Variants in UBE2E1 observed in about 807,000 individuals in gnomAD.
The protein encoded by UBE2E1 is ubiquitin-conjugating enzyme E2 E1.
A neutral mutation model predicts 21.4 loss-of-function variants in UBE2E1; 6 were observed. The ratio of observed to expected loss-of-function variants is 0.28; its 90% CI spans 0.15 to 0.55. The LOEUF (loss-of-function observed/expected upper bound fraction) is 0.55, where lower values mean the gene tolerates loss of function less well. UBE2E1 is among the 20% of genes least tolerant of loss of function. The pLI is 0.93. For synonymous variants in UBE2E1, 87 were observed against 82.7 expected, an observed-to-expected ratio of 1.05 and a Z score of -0.28; for missense variants, 142 against 236.5, an observed-to-expected ratio of 0.60 and a Z score of 2.62.
At chr3:23,841,386 T>G (rs1700083545) in intron 3 of UBE2E1, among the ~76,000 whole-genome samples, 1 of 152,132 alleles carries the variant, frequency 6.6e-6, no homozygotes. Flanking sequence ...GAATAGATGA[T>G]TGATTTTTTT....
At chr3:23,813,766 C>T (rs1442849881) in intron 3 of UBE2E1, among the ~76,000 whole-genome samples, 1 of 152,204 alleles carries the variant, frequency 6.6e-6, no homozygotes, top group African/African-American at 2.4e-5. Context: ...AGGTCTTGAA[C>T]TCCTGACCTT....
At position 23,879,561 on chromosome 3, in the gene UBE2E1, C is replaced by T. The variant is rs112850068; in HGVS notation, c.204-8006C>T. On this transcript the variant is annotated intron_variant, in intron 3 of 5. Coordinates refer to ENST00000306627, the MANE Select transcript of UBE2E1 (RefSeq NM_003341.5). ...TTCTTCTTGCTTTAGAACTTCTCTTCGTAGGTGATCCAGCTATAAGACTAA... is the reference window on the plus strand; with the variant it reads ...TTCTTCTTGCTTTAGAACTTCTCTTTGTAGGTGATCCAGCTATAAGACTAA... 182 of 304,972 alleles carry T rather than the reference C, an allele frequency of 6.0e-4. 1 individual carries two copies. The highest frequency in any genetic ancestry group is 1.7e-3 in the Admixed American group (47 of 27,304). The allele number at this position is 304,972 out of a possible 1,614,324, so 18.9% of individuals were successfully genotyped here.
Position 23,890,675 on chromosome 3 carries a change from T to A in UBE2E1, c.*69T>A. 6.0e-5 allele frequency: 65 copies of A among 1,075,098 alleles called. No homozygotes were observed. The highest frequency in any genetic ancestry group is 7.9e-5 in the Non-Finnish European group (57 of 722,262). 66.6% of individuals were successfully genotyped at this position (1,075,098 alleles called of 1,614,324 possible). A position where few individuals can be genotyped will look rare whatever the true frequency, so the allele number is the denominator to read the frequency against. On this transcript the variant is annotated 3_prime_UTR_variant, in exon 6 of 6. Transcript: ENST00000306627. ...AGAGCTGCTTATGATTTTGAAGGGG[T>A]CAGGGAGGGTGGGAGTTGGTAAAGA...
intron 3 of UBE2E1, among the ~76,000 whole-genome samples, chr3:23,871,662 G>A (rs1259044662): frequency 5.2e-4 from 79 of 151,562 alleles, no homozygotes; most frequent in African/African-American, 1.8e-3. Flanking sequence ...CAGATGGGGC[G>A]GCCGGGCAGA....
chr3:23,857,380 GA>G (rs1318367221), intron 3 of UBE2E1, among the ~76,000 whole-genome samples: 1 of 152,182 alleles, frequency 6.6e-6, no homozygotes, highest in Admixed American at 6.5e-5. Context: ...TTTGTGAAAT[GA>G]AAGAAGAGAG....
intron 3 of UBE2E1, among the ~76,000 whole-genome samples, chr3:23,845,589 C>CG (rs1553637999): frequency 8.2e-6 from 1 of 121,288 alleles, no homozygotes; most frequent in Non-Finnish European, 1.7e-5. Context: ...CTCTCTCTCT[C>CG]TGTGTGTGTG....
intron 3 of UBE2E1, among the ~76,000 whole-genome samples, chr3:23,833,392 T>C (rs1366324289): frequency 2.0e-5 from 3 of 152,210 alleles, no homozygotes; most frequent in African/African-American, 7.2e-5. Flanking sequence ...CTAGGCACCT[T>C]TGGAAGGTGC....
rs937425146 is a variant in UBE2E1 at position 23,852,151 on chromosome 3, T to C, written c.204-35416T>C. Among the ~76,000 whole-genome samples the C allele has an allele frequency of 2.0e-5, 3 of 152,196 alleles. No individual in the cohort carries two copies. The East Asian group carries it at 5.8e-4, about 29-fold the overall frequency. ...CTGGCACTATGCTTCTTGTACAACCTGGAGAACCATGAGCTAAATAAACCT... is the reference window on the plus strand; with the variant it reads ...CTGGCACTATGCTTCTTGTACAACCCGGAGAACCATGAGCTAAATAAACCT... On this transcript the variant is annotated intron_variant, in intron 3 of 5. Coordinates refer to ENST00000306627, the MANE Select transcript of UBE2E1 (RefSeq NM_003341.5).
At position 23,863,054 on chromosome 3, in the gene UBE2E1, T is replaced by TA. The variant is rs11318221; in HGVS notation, c.204-24496dup. Among the ~76,000 whole-genome samples, 610 of 147,458 alleles carry TA rather than the reference T, an allele frequency of 4.1e-3. 1 individual carries two copies. The highest frequency in any genetic ancestry group is 9.2e-3 in the East Asian group (46 of 4,992). On this transcript the variant is annotated intron_variant, in intron 3 of 5. Transcript: ENST00000306627. The surrounding 1 kb of genome is among the most constrained non-coding windows in gnomAD (Gnocchi z 4.3). ...AAGGCTTTAATATTTCTTTGTTTGTTAAAAAAAAAAAAAAAAACTATTCCC... is the reference window on the plus strand; with the variant it reads ...AAGGCTTTAATATTTCTTTGTTTGTTAAAAAAAAAAAAAAAAAACTATTCCC...
At chr3:23,851,738 G>T (rs1434626095) in intron 3 of UBE2E1, among the ~76,000 whole-genome samples, 2 of 152,064 alleles carry the variant, frequency 1.3e-5, no homozygotes, top group Non-Finnish European at 2.9e-5. Context: ...GGAGTTCGAG[G>T]CTGCAGTGAT....
At chr3:23,807,650 A>T in intron 2 of UBE2E1, 1 of 438,552 alleles carries the variant, frequency 2.3e-6, no homozygotes, top group East Asian at 3.8e-5. Context: ...TTCTTGCTGA[A>T]GTTTGTAAGA....
chr3:23,810,476 AT>A lies in UBE2E1; in HGVS notation c.153-983del. On this transcript the variant is annotated intron_variant, in intron 2 of 5. Coordinates refer to ENST00000306627, the MANE Select transcript of UBE2E1 (RefSeq NM_003341.5). The surrounding 1 kb of genome is among the most constrained non-coding windows in gnomAD (Gnocchi z 5.8). ...CCCAGTGTGAGCTAGAGAGCGGACC[AT>A]GAAGGAAGTGGGCAGACCCCGGGAA... is the stretch of plus-strand genomic sequence containing the variant. 1.3e-6 allele frequency: 2 copies of A among 1,535,826 alleles called. No individual in the cohort carries two copies. Among genetic ancestry groups the A allele is most frequent in the Non-Finnish European group, 1.7e-6 (2 of 1,146,708 alleles).
rs972476435 is a variant in UBE2E1, at chr3:23,870,867, G to T, written c.204-16700G>T. ...GTCCCTGGGTACTTGAGATTAGGGA[G>T]TGGTGATGATTCTTAACGAGCATGC... On this transcript the variant is annotated intron_variant, in intron 3 of 5. Coordinates refer to ENST00000306627, the MANE Select transcript of UBE2E1 (RefSeq NM_003341.5). The surrounding 1 kb of genome is among the most constrained non-coding windows in gnomAD (Gnocchi z 4.2). Among the ~76,000 whole-genome samples, 1 of 151,996 alleles carries T rather than the reference G, an allele frequency of 6.6e-6. No individual in the cohort carries two copies. The highest frequency in any genetic ancestry group is 2.4e-5 in the African/African-American group (1 of 41,382).
intron 3 of UBE2E1, among the ~76,000 whole-genome samples, chr3:23,828,519 G>A (rs913100851): frequency 3.3e-5 from 5 of 152,176 alleles, no homozygotes; most frequent in South Asian, 2.1e-4. Context: ...TGGTAAAGGC[G>A]TTGGAGTTGA....
intron 3 of UBE2E1, among the ~76,000 whole-genome samples, chr3:23,848,178 A>C (rs754919312): frequency 3.3e-5 from 5 of 152,204 alleles, no homozygotes; most frequent in Non-Finnish European, 7.4e-5. Context: ...AACGTATATT[A>C]AATATCTAGG....
chr3:23,879,106 G>T, intron 3 of UBE2E1: 1 of 512,828 alleles, frequency 1.9e-6, no homozygotes, highest in Non-Finnish European at 3.8e-6. Flanking sequence ...CTTGCTGTTA[G>T]CAACTATAAG....
At position 23,853,555 on chromosome 3, in the gene UBE2E1, T is replaced by A. The variant is rs972342680; in HGVS notation, c.204-34012T>A. ...TTTCTTCTGTTGTTTTTTTTTAATA[T>A]AAGTTTTATGGTTTTAGCTGTTAAA... is the stretch of plus-strand genomic sequence containing the variant. On this transcript the variant is annotated intron_variant, in intron 3 of 5. Coordinates refer to ENST00000306627, the MANE Select transcript of UBE2E1 (RefSeq NM_003341.5). This position sits in a 1 kb window ranked among gnomAD's most constrained non-coding sequence, Gnocchi z 4.1. Among the ~76,000 whole-genome samples the A allele has an allele frequency of 6.6e-6, 1 of 152,174 alleles. No homozygotes were observed. The highest frequency in any genetic ancestry group is 1.5e-5 in the Non-Finnish European group (1 of 68,026).
At chr3:23,867,887 A>G (rs1004223543) in intron 3 of UBE2E1, among the ~76,000 whole-genome samples, 1 of 152,212 alleles carries the variant, frequency 6.6e-6, no homozygotes. Context: ...TCATAAGGCC[A>G]AAATCTGTCC....
chr3:23,840,536 A>T (rs1257575972), intron 3 of UBE2E1, among the ~76,000 whole-genome samples: 1 of 152,150 alleles, frequency 6.6e-6, no homozygotes, highest in African/African-American at 2.4e-5. Flanking sequence ...ATTAAGGCTA[A>T]TTTTTACCAT....
Sources: gnomAD v4.1 joint callset for allele counts (sites outside exome capture counted in the v4.1 genomes callset) on GRCh38, gnomAD v4.1.1 for gene constraint, Gnocchi (gnomAD v3.1) non-coding constraint, MANE v1.5 for transcripts, NCBI Gene and HGNC (gene_info 2026-07-23, HGNC 2026-07-21) for gene names.